Variants in IGSF10 observed in about 807,000 individuals in gnomAD.
The protein encoded by IGSF10 is immunoglobulin superfamily member 10, also known as calvaria mechanical force protein 608.
In IGSF10, 126 loss-of-function variants were observed where a neutral mutation model predicts 128.2. The ratio of observed to expected loss-of-function variants is 0.98; its 90% CI spans 0.85 to 1.14. The LOEUF (loss-of-function observed/expected upper bound fraction) is 1.14. IGSF10 is among the 50% of genes most tolerant of loss of function. The probability of loss-of-function intolerance (pLI) is 0.00; values close to 1 mark genes in which losing one functional copy is unlikely to be tolerated. For synonymous variants in IGSF10, 1,185 were observed against 1,146.2 expected, an observed-to-expected ratio of 1.03 and a Z score of -0.68; for missense variants, 3,295 against 3,149.8, an observed-to-expected ratio of 1.05 and a Z score of -1.10.
upstream of IGSF10, among the ~76,000 whole-genome samples, chr3:151,464,862 A>C (rs1560186044): frequency 1.3e-5 from 2 of 152,256 alleles, no homozygotes; most frequent in Non-Finnish European, 2.9e-5. Flanking sequence ...AATCAGTATC[A>C]TCTTTCTTCC....
the IGSF10 span, among the ~76,000 whole-genome samples, chr3:151,477,293 T>C: frequency 6.6e-6 from 1 of 152,178 alleles, no homozygotes; most frequent in African/African-American, 2.4e-5. Context: ...CCAGTTTCTC[T>C]GATAGTAGGG....
chr3:151,435,599 C>T (rs555211514), downstream of IGSF10: 1 of 144,460 alleles, frequency 6.9e-6, no homozygotes, highest in East Asian at 2.1e-4. Context: ...GCATTTTTTT[C>T]CCATTTATAA....
At chr3:151,590,174 GACT>G in the IGSF10 span, among the ~76,000 whole-genome samples, 1 of 151,986 alleles carries the variant, frequency 6.6e-6, no homozygotes, top group South Asian at 2.1e-4. Flanking sequence ...AAGTAGCTGT[GACT>G]ACAGACGCGT....
At position 151,443,353 on chromosome 3, in the gene IGSF10, G is replaced by T; in HGVS notation, c.5594C>A (p.Thr1865Asn). Residue 1865 changes from threonine (T) to asparagine (N), a missense_variant, in exon 7 of 8, where the codon ACT (threonine) becomes AAT (asparagine). Physicochemically the swap from Thr to Asn is moderately conservative, Grantham distance 65. Coordinates refer to ENST00000282466, the MANE Select transcript of IGSF10 (RefSeq NM_178822.5). ...TWGESLKLPC[T>N]AKGTPQPSVY... is the part of the protein sequence containing the mutation. ...GCTGGGCTGAGGAGTTCCTTTTGCA[G>T]TACAGGGCAGTTTTAAACTTTCACC... 6.2e-7 allele frequency: 1 copy of T among 1,614,220 alleles called. No individual in the cohort carries two copies. Among genetic ancestry groups the T allele is most frequent in the Non-Finnish European group, 8.5e-7 (1 of 1,180,044 alleles).
At chr3:151,435,286 C>T (rs560154256), downstream of IGSF10, 4 of 152,144 alleles carry the variant, frequency 2.6e-5, no homozygotes, top group East Asian at 7.7e-4. Flanking sequence ...ATAAGAAGCC[C>T]ATAGACTCTC....
chr3:151,453,676 A>G lies in IGSF10; in HGVS notation c.423T>C (p.Ile141=), dbSNP rs896520638. 1.9e-6 allele frequency: 3 copies of G among 1,613,556 alleles called. No individual in the cohort carries two copies. Among genetic ancestry groups the G allele is most frequent in the Non-Finnish European group, 1.7e-6 (2 of 1,179,460 alleles). Reference sequence around the variant, plus strand: ...AAAAAACCTCTGGGTTTATAAACTCAATATTGTTGTGGTCCATGTGCAATC... The same window carrying G: ...AAAAAACCTCTGGGTTTATAAACTCGATATTGTTGTGGTCCATGTGCAATC... The part of the protein sequence containing the change: ...LTRLHMDHNN[I]EFINPEVFYG... Residue 141 remains isoleucine, a synonymous_variant, in exon 5 of 8, where the codon ATT becomes ATC. Coordinates refer to ENST00000282466, the MANE Select transcript of IGSF10 (RefSeq NM_178822.5).
chr3:151,463,523 G>GTTTTTTTTTTTTT (rs745415781), upstream of IGSF10, among the ~76,000 whole-genome samples: 6 of 31,286 alleles, frequency 1.9e-4, 1 homozygote, highest in Non-Finnish European at 2.6e-4. Flanking sequence ...ACATTTTCTG[G>GTTTTTTTTTTTTT]TTTTTTTTTT....
chr3:151,542,729 AAACT>A, the IGSF10 span, among the ~76,000 whole-genome samples: 1 of 152,206 alleles, frequency 6.6e-6, no homozygotes, highest in Non-Finnish European at 1.5e-5. Flanking sequence ...TGGGTTCTTA[AAACT>A]AACTATACTG....
chr3:151,442,682 C>A (rs1026177849), intron 7 of IGSF10, among the ~76,000 whole-genome samples: 5 of 151,874 alleles, frequency 3.3e-5, no homozygotes, highest in Non-Finnish European at 7.4e-5. Context: ...AGCCACCGTG[C>A]CTGTCCTACA....
At chr3:151,528,479 T>C in the IGSF10 span, among the ~76,000 whole-genome samples, 4 of 152,204 alleles carry the variant, frequency 2.6e-5, no homozygotes, top group Admixed American at 2.6e-4. Flanking sequence ...AGGCAGGTGA[T>C]TTCTGCATTT....
At chr3:151,492,648 G>A in the IGSF10 span, among the ~76,000 whole-genome samples, 1 of 152,110 alleles carries the variant, frequency 6.6e-6, no homozygotes, top group Non-Finnish European at 1.5e-5. Context: ...AAACTGGGAA[G>A]CGGAGGTTGC....
the IGSF10 span, among the ~76,000 whole-genome samples, chr3:151,603,419 T>C: frequency 1.3e-5 from 2 of 152,164 alleles, no homozygotes; most frequent in Non-Finnish European, 2.9e-5. Flanking sequence ...TAAGAAAGTG[T>C]TTGCTGTTGT....
At chr3:151,590,819 T>G in the IGSF10 span, among the ~76,000 whole-genome samples, 1 of 152,208 alleles carries the variant, frequency 6.6e-6, no homozygotes, top group African/African-American at 2.4e-5. Context: ...CGTTTTCATA[T>G]AAAGAAGAAG....
At chr3:151,433,741 C>T (rs1217778765), downstream of IGSF10, 4 of 152,552 alleles carry the variant, frequency 2.6e-5, no homozygotes, top group Non-Finnish European at 5.9e-5. Context: ...GAATCTGGCC[C>T]CAAAGTCCAG....
rs549055560 is a variant in IGSF10, at chr3:151,459,144, GTAAT to G, written c.-1-438_-1-435del. Among the ~76,000 whole-genome samples, 38 of 152,244 alleles carry G rather than the reference GTAAT, an allele frequency of 2.5e-4. No individual in the cohort carries two copies. The East Asian group carries it at 6.9e-3, about 28-fold the overall frequency. ...GTGCATAATAAAACATTTGGAAACT[GTAAT>G]TAAGCAGTAAAAAGGAAAAAAATTA... On this transcript the variant is annotated intron_variant, in intron 2 of 7. Coordinates refer to ENST00000282466, the MANE Select transcript of IGSF10 (RefSeq NM_178822.5).
Position 151,438,564 on chromosome 3 carries a change from T to C in IGSF10, c.5997A>G (p.Gly1999=), listed in dbSNP as rs1312400452. ...VGSWIHVYPN[G]SLFIGSVTEK... is the part of the protein sequence containing the mutation. ...CTGTTACTGATCCAATAAACAGGGA[T>C]CCATTAGGGTAGACGTGGATCCAGC... The change falls in exon 8 of 8, where the codon GGA becomes GGG. Residue 1999 remains glycine (G), a synonymous_variant. Coordinates refer to ENST00000282466, the MANE Select transcript of IGSF10 (RefSeq NM_178822.5). The C allele has an allele frequency of 1.9e-6, 3 of 1,613,662 alleles. No homozygotes were observed. The highest frequency in any genetic ancestry group is 2.2e-5 in the East Asian group (1 of 44,876).
chr3:151,615,018 T>A, the IGSF10 span, among the ~76,000 whole-genome samples: 5 of 152,088 alleles, frequency 3.3e-5, no homozygotes, highest in Non-Finnish European at 7.4e-5. Context: ...CCTATGAACT[T>A]CTAAAATATG....
At chr3:151,449,879 TAGGAGGTG>T (rs1560179656) in intron 5 of IGSF10, among the ~76,000 whole-genome samples, 1 of 152,070 alleles carries the variant, frequency 6.6e-6, no homozygotes, top group Non-Finnish European at 1.5e-5. Context: ...AACCAATCAA[TAGGAGGTG>T]AGGATTGACT....
the IGSF10 span, among the ~76,000 whole-genome samples, chr3:151,506,430 A>C: frequency 1.8e-4 from 28 of 152,218 alleles, no homozygotes; most frequent in Non-Finnish European, 2.6e-4. Flanking sequence ...CTGGATTTTA[A>C]TTGGCTATTT....
Sources: gnomAD v4.1 joint callset for allele counts (sites outside exome capture counted in the v4.1 genomes callset) on GRCh38, gnomAD v4.1.1 for gene constraint, MANE v1.5 for transcripts, NCBI Gene and HGNC (gene_info 2026-07-23, HGNC 2026-07-21) for gene names.